FAF1: variants seen among roughly 807,000 people sequenced by gnomAD.
The protein encoded by FAF1 is Fas associated factor 1.
In FAF1, 25 loss-of-function variants were observed where a neutral mutation model predicts 92.5. The observed-to-expected ratio is 0.27, with a 90% CI of 0.20 to 0.38. FAF1 has a LOEUF of 0.38. FAF1 is among the 10% of genes least tolerant of loss of function. FAF1 has a pLI of 1.00. For missense variants in FAF1, 636 were observed against 793.3 expected, an observed-to-expected ratio of 0.80 and a Z score of 2.38; for synonymous variants, 234 against 273.2, an observed-to-expected ratio of 0.86 and a Z score of 1.42.
chr1:50,903,068 C>A (rs1181345408), intron 1 of FAF1, among the ~76,000 whole-genome samples: 1 of 152,104 alleles, frequency 6.6e-6, no homozygotes, highest in Non-Finnish European at 1.5e-5. Context: ...TATCTTCTAT[C>A]TCCCCTACTA....
chr1:50,920,622 C>G (rs1162472041), intron 1 of FAF1, among the ~76,000 whole-genome samples: 1 of 152,170 alleles, frequency 6.6e-6, no homozygotes, highest in Non-Finnish European at 1.5e-5. Flanking sequence ...GTTGGTTTAA[C>G]ATTCAGAAAT....
chr1:50,706,004 G>A, intron 6 of FAF1, 113 bp from the exon 7 acceptor site: 2 of 577,586 alleles, frequency 3.5e-6, no homozygotes, highest in South Asian at 4.8e-5. Flanking sequence ...GGCATGTCTG[G>A]GCCCAATGTT....
chr1:50,682,404 G>A (rs1656463969), intron 7 of FAF1, among the ~76,000 whole-genome samples: 1 of 152,138 alleles, frequency 6.6e-6, no homozygotes, highest in Non-Finnish European at 1.5e-5. Context: ...TTGGGAGGCT[G>A]AGGTGGGAGA....
intron 4 of FAF1, among the ~76,000 whole-genome samples, chr1:50,770,826 A>G (rs1402296539): frequency 6.6e-6 from 1 of 152,206 alleles, no homozygotes; most frequent in African/African-American, 2.4e-5. Flanking sequence ...CCTAAGCAGA[A>G]AGCTGGAGGC....
chr1:50,784,545 G>A (rs995348676), intron 4 of FAF1, among the ~76,000 whole-genome samples: 2 of 152,100 alleles, frequency 1.3e-5, no homozygotes, highest in African/African-American at 2.4e-5. Flanking sequence ...AATTAAAGAC[G>A]ACACTGGAAA....
intron 17 of FAF1, among the ~76,000 whole-genome samples, chr1:50,485,131 ATTT>A (rs927966669): frequency 2.0e-5 from 3 of 151,154 alleles, no homozygotes; most frequent in African/African-American, 4.9e-5. Context: ...TATTATTATT[ATTT>A]TTTTTAAATA....
At chr1:50,789,900 C>T (rs1661502398) in intron 3 of FAF1, among the ~76,000 whole-genome samples, 1 of 152,172 alleles carries the variant, frequency 6.6e-6, no homozygotes, top group Non-Finnish European at 1.5e-5. Flanking sequence ...TTAATCATTC[C>T]CGTTTCACAG....
At chr1:50,598,267 G>C (rs139054497) in intron 8 of FAF1, among the ~76,000 whole-genome samples, 201 of 151,954 alleles carry the variant, frequency 1.3e-3, no homozygotes, top group African/African-American at 4.7e-3. Flanking sequence ...CTGTACTCCA[G>C]CTTGGGTGAC....
At chr1:50,681,482 G>A (rs1025256405) in intron 7 of FAF1, among the ~76,000 whole-genome samples, 26 of 151,848 alleles carry the variant, frequency 1.7e-4, no homozygotes, top group African/African-American at 6.3e-4. Flanking sequence ...CAATAGCTGT[G>A]GTATACAAAT....
chr1:50,699,587 T>C (rs1395837225), intron 7 of FAF1, among the ~76,000 whole-genome samples: 1 of 152,118 alleles, frequency 6.6e-6, no homozygotes, highest in Non-Finnish European at 1.5e-5. Flanking sequence ...GTTCACACAA[T>C]AACAGCAATA....
chr1:50,803,455 G>T (rs1662076217), intron 2 of FAF1, among the ~76,000 whole-genome samples: 1 of 152,164 alleles, frequency 6.6e-6, no homozygotes. Context: ...CCTTATCTGT[G>T]TAATACGTAA....
chr1:50,478,245 C>A (rs939220883), intron 17 of FAF1, among the ~76,000 whole-genome samples: 2 of 151,448 alleles, frequency 1.3e-5, no homozygotes, highest in Admixed American at 1.3e-4. Context: ...CTCTCTGCAA[C>A]CTCCGTCTCC....
chr1:50,840,777 T>C (rs1247974900), intron 2 of FAF1, among the ~76,000 whole-genome samples: 2 of 151,952 alleles, frequency 1.3e-5, no homozygotes, highest in East Asian at 1.9e-4. Flanking sequence ...CCCAAGAAAA[T>C]TGTCAGACAA....
At chr1:50,698,580 A>T (rs1489904647) in intron 7 of FAF1, among the ~76,000 whole-genome samples, 1 of 151,972 alleles carries the variant, frequency 6.6e-6, no homozygotes, top group Non-Finnish European at 1.5e-5. Context: ...GCTGCAAAAA[A>T]TTTTTTGCAG....
chr1:50,464,342 A>G (rs1350378958), intron 18 of FAF1, among the ~76,000 whole-genome samples: 2 of 152,046 alleles, frequency 1.3e-5, no homozygotes, highest in Admixed American at 1.3e-4. Context: ...AAAGGTGGTT[A>G]TTATTATCTG....
intron 2 of FAF1, among the ~76,000 whole-genome samples, chr1:50,832,117 A>T (rs1434919436): frequency 6.6e-6 from 1 of 152,112 alleles, no homozygotes; most frequent in Non-Finnish European, 1.5e-5. Context: ...TGAGTTGTAT[A>T]ATTATTTCAT....
chr1:50,924,876 G>A (rs1456699992), intron 1 of FAF1, among the ~76,000 whole-genome samples: 3 of 152,042 alleles, frequency 2.0e-5, no homozygotes, highest in African/African-American at 4.8e-5. Context: ...TCAGCTACTC[G>A]GAAGGCTAAG....
chr1:50,948,430 C>T (rs180842920), intron 1 of FAF1, among the ~76,000 whole-genome samples: 1 of 152,246 alleles, frequency 6.6e-6, no homozygotes, highest in African/African-American at 2.4e-5. Flanking sequence ...AAGCGGGAGA[C>T]AGCCTCTCAC....
At chr1:50,707,563 G>A (rs566197529) in intron 6 of FAF1, among the ~76,000 whole-genome samples, 5 of 151,830 alleles carry the variant, frequency 3.3e-5, no homozygotes, top group African/African-American at 1.2e-4. Flanking sequence ...TTAGCTGGGC[G>A]TCGTGCTGGG....
Sources: allele counts gnomAD v4.1 joint callset (sites outside exome capture counted in the v4.1 genomes callset), GRCh38; gene constraint gnomAD v4.1.1; transcripts MANE v1.5; gene names NCBI Gene and HGNC (gene_info 2026-07-23, HGNC 2026-07-21).